Variants in B4GALT5 observed in about 807,000 individuals in gnomAD.
The protein encoded by B4GALT5 is UDP-Gal:beta-GlcNAc beta-1,4-galactosyltransferase 5.
A neutral mutation model predicts 45.0 loss-of-function variants in B4GALT5; 11 were observed. The observed-to-expected ratio is 0.24, with a 90% confidence interval of 0.15 to 0.40. The LOEUF (loss-of-function observed/expected upper bound fraction) is 0.40, where lower values mean the gene tolerates loss of function less well. B4GALT5 is among the 10% of genes least tolerant of loss of function. The probability of loss-of-function intolerance (pLI) is 1.00; values close to 1 mark genes in which losing one functional copy is unlikely to be tolerated. For synonymous variants in B4GALT5, 185 were observed against 182.9 expected (o/e 1.01, Z -0.09); for missense variants, 337 against 500.2 (o/e 0.67, Z 3.11).
intron 2 of B4GALT5, 38 bp downstream of exon 2, chr20:49,656,530 G>T (rs1302962412): frequency 2.5e-6 from 4 of 1,609,478 alleles, no homozygotes; most frequent in African/African-American, 1.3e-5. Context: ...CTTGGGAGGA[G>T]ACATTCTAAT....
At chr20:49,701,576 G>C (rs774189158) in intron 1 of B4GALT5, among the ~76,000 whole-genome samples, 17 of 152,154 alleles carry the variant, frequency 1.1e-4, no homozygotes, top group Non-Finnish European at 1.9e-4. Flanking sequence ...CTGTGCCTGT[G>C]TTGTGGACGA....
At chr20:49,667,034 T>C (rs1160428590) in intron 1 of B4GALT5, among the ~76,000 whole-genome samples, 1 of 152,082 alleles carries the variant, frequency 6.6e-6, no homozygotes, top group Non-Finnish European at 1.5e-5. Flanking sequence ...TACCATCAAT[T>C]TAGAGATGAA....
intron 1 of B4GALT5, among the ~76,000 whole-genome samples, chr20:49,712,745 C>T (rs532521215): frequency 2.2e-4 from 34 of 151,518 alleles, no homozygotes; most frequent in Middle Eastern, 3.4e-3. Context: ...GCACCCCTTC[C>T]CCAGGTCTTC....
intron 1 of B4GALT5, among the ~76,000 whole-genome samples, chr20:49,700,221 T>C (rs551159406): frequency 2.0e-4 from 31 of 152,376 alleles, no homozygotes; most frequent in African/African-American, 7.2e-4. Context: ...CTGTCTCAGA[T>C]ACTTTTTGGT....
intron 2 of B4GALT5, among the ~76,000 whole-genome samples, chr20:49,655,484 G>T (rs907062957): frequency 6.6e-6 from 1 of 152,094 alleles, no homozygotes; most frequent in Admixed American, 6.5e-5. Flanking sequence ...TTACAGAAAT[G>T]AGGCGAATCA....
chr20:49,643,499 C>A, intron 4 of B4GALT5, 27 bp downstream of exon 4: 2 of 1,612,598 alleles, frequency 1.2e-6, no homozygotes, highest in Non-Finnish European at 1.7e-6. Flanking sequence ...GGCTTCTCAG[C>A]ATTTTGGCTG....
intron 1 of B4GALT5, among the ~76,000 whole-genome samples, chr20:49,710,685 T>G (rs2085905446): frequency 6.6e-6 from 1 of 152,156 alleles, no homozygotes; most frequent in Non-Finnish European, 1.5e-5. Context: ...CCCAAAGTGC[T>G]GGGATTACAG....
At chr20:49,708,702 C>A (rs1231986799) in intron 1 of B4GALT5, among the ~76,000 whole-genome samples, 2 of 152,138 alleles carry the variant, frequency 1.3e-5, no homozygotes, top group South Asian at 4.1e-4. Context: ...AATCCCAGCA[C>A]TATGGGAGGC....
At chr20:49,686,445 C>A (rs2085785851) in intron 1 of B4GALT5, among the ~76,000 whole-genome samples, 1 of 152,106 alleles carries the variant, frequency 6.6e-6, no homozygotes, top group Non-Finnish European at 1.5e-5. Flanking sequence ...GCCTAGAAAT[C>A]AAGAGTCTGT....
At chr20:49,658,384 GTGT>G (rs146685763) in intron 1 of B4GALT5, among the ~76,000 whole-genome samples, 3,007 of 152,220 alleles carry the variant, frequency 0.02, 107 homozygotes, top group African/African-American at 0.07. Context: ...ATTCAGTCCT[GTGT>G]TGTTGTTGTT....
chr20:49,669,627 C>T (rs759455236), intron 1 of B4GALT5, among the ~76,000 whole-genome samples: 4 of 148,386 alleles, frequency 2.7e-5, no homozygotes, highest in East Asian at 2.0e-4. Context: ...ACCTGGGAGG[C>T]GGATGTTGCA....
intron 1 of B4GALT5, among the ~76,000 whole-genome samples, chr20:49,667,977 C>T (rs183814047): frequency 5.2e-4 from 79 of 152,190 alleles, no homozygotes; most frequent in African/African-American, 1.5e-3. Context: ...AAAATTTACA[C>T]CCATTGTCTT....
rs76883445 is a variant in B4GALT5, at chr20:49,668,130, G to A, written c.116-11428C>T. 8.7e-3 allele frequency among the ~76,000 whole-genome samples: 1,328 copies of A among 152,042 alleles called. 13 individuals are homozygous for A. The highest frequency in any genetic ancestry group is 0.03 in the African/African-American group (1,261 of 41,464). On this transcript the variant is annotated intron_variant, in intron 1 of 8. Transcript: ENST00000371711. ...TATTTTGGGGGAAAAATTGATTTGAGGAAACTTTTGCTTTCCTAATCCTTC... is the reference window on the plus strand; with the variant it reads ...TATTTTGGGGGAAAAATTGATTTGAAGAAACTTTTGCTTTCCTAATCCTTC...
chr20:49,709,620 A>C (rs897292537), intron 1 of B4GALT5, among the ~76,000 whole-genome samples: 1 of 152,064 alleles, frequency 6.6e-6, no homozygotes, highest in Non-Finnish European at 1.5e-5. Flanking sequence ...AAAAATACAA[A>C]AATTAGCCAG....
At chr20:49,700,009 C>A (rs967935363) in intron 1 of B4GALT5, among the ~76,000 whole-genome samples, 2 of 152,162 alleles carry the variant, frequency 1.3e-5, no homozygotes, top group Non-Finnish European at 2.9e-5. Context: ...CGCTGCCCCC[C>A]ACCCTTGCCC....
chr20:49,692,993 AC>A (rs2085822620), intron 1 of B4GALT5, among the ~76,000 whole-genome samples: 1 of 152,206 alleles, frequency 6.6e-6, no homozygotes, highest in Non-Finnish European at 1.5e-5. Context: ...ATATTTAGCT[AC>A]ACATTTACTT....
chr20:49,654,255 A>T (rs1401393081), intron 2 of B4GALT5, among the ~76,000 whole-genome samples: 2 of 152,096 alleles, frequency 1.3e-5, no homozygotes, highest in Non-Finnish European at 2.9e-5. Flanking sequence ...CTTCCCCAAG[A>T]TTATATGTAC....
chr20:49,707,673 G>T (rs1354701816), intron 1 of B4GALT5, among the ~76,000 whole-genome samples: 1 of 152,146 alleles, frequency 6.6e-6, no homozygotes, highest in Non-Finnish European at 1.5e-5. Context: ...AGAGTGCAGT[G>T]GTTCAATCAT....
intron 1 of B4GALT5, among the ~76,000 whole-genome samples, chr20:49,678,506 T>C (rs1016933229): frequency 2.0e-5 from 3 of 152,312 alleles, no homozygotes; most frequent in Non-Finnish European, 4.4e-5. Flanking sequence ...CGTGGTGGTG[T>C]GCATGCTGCC....
Sources: allele counts gnomAD v4.1 joint callset (sites outside exome capture counted in the v4.1 genomes callset), GRCh38; gene constraint gnomAD v4.1.1; transcripts MANE v1.5; gene names NCBI Gene and HGNC (gene_info 2026-07-23, HGNC 2026-07-21).